EPB41L4A: variants seen among roughly 807,000 people sequenced by gnomAD.
EPB41L4A encodes erythrocyte membrane protein band 4.1 like 4A.
EPB41L4A carries 100 observed loss-of-function variants against 108.6 expected under a neutral mutation model. The observed-to-expected ratio is 0.92, with a 90% CI of 0.78 to 1.09. The LOEUF is 1.09. Among genes scored for constraint, EPB41L4A ranks in the 50% least tolerant of loss-of-function variants. The probability of loss-of-function intolerance (pLI) is 0.00; values close to 1 mark genes in which losing one functional copy is unlikely to be tolerated. For synonymous variants in EPB41L4A, 319 were observed against 289.0 expected, an observed-to-expected ratio of 1.10 and a Z score of -1.05; for missense variants, 1,030 against 842.7, an observed-to-expected ratio of 1.22 and a Z score of -2.75.
intron 1 of EPB41L4A, among the ~76,000 whole-genome samples, chr5:112,368,735 C>G (rs1412957094): frequency 6.6e-6 from 1 of 152,196 alleles, no homozygotes; most frequent in Non-Finnish European, 1.5e-5. Flanking sequence ...CTGTCCTCCC[C>G]ACAACTATTA....
intron 1 of EPB41L4A, among the ~76,000 whole-genome samples, chr5:112,323,734 CAATA>C (rs1322196070): frequency 1.3e-5 from 2 of 152,292 alleles, no homozygotes; most frequent in Non-Finnish European, 1.5e-5. Flanking sequence ...CCACAGTAAG[CAATA>C]AACTGGGTTT....
intron 9 of EPB41L4A, among the ~76,000 whole-genome samples, chr5:112,246,974 T>A (rs1750283251): frequency 6.6e-6 from 1 of 152,174 alleles, no homozygotes; most frequent in Non-Finnish European, 1.5e-5. Flanking sequence ...AGCAAATAAA[T>A]CTCCTAAAAT....
At chr5:112,288,586 G>C (rs1753436985) in intron 2 of EPB41L4A, among the ~76,000 whole-genome samples, 1 of 152,174 alleles carries the variant, frequency 6.6e-6, no homozygotes, top group African/African-American at 2.4e-5. Context: ...CATGTGTCTG[G>C]CTAGATTTCA....
Position 112,346,215 on chromosome 5 carries a change from C to CTTTTTTTTTT in EPB41L4A, c.100-38726_100-38725insAAAAAAAAAA, listed in dbSNP as rs1479210695. On this transcript the variant is annotated intron_variant, in intron 1 of 22. Coordinates refer to ENST00000261486, the MANE Select transcript of EPB41L4A (RefSeq NM_022140.5). ...AAATTCTTTAAAGTTAGGTACATTG[C>CTTTTTTTTTT]ATTTTTTTTTTTTTTTTTTTTTTTT... 1.3e-3 allele frequency among the ~76,000 whole-genome samples: 62 copies of CTTTTTTTTTT among 49,040 alleles called. 1 individual carries two copies. Among genetic ancestry groups the CTTTTTTTTTT allele is most frequent in the Non-Finnish European group, 2.0e-3 (38 of 18,612 alleles). The allele number at this position is 49,040 out of a possible 152,430, so 32.2% of individuals were successfully genotyped here.
intron 12 of EPB41L4A, among the ~76,000 whole-genome samples, chr5:112,216,444 A>C (rs7704501): frequency 0.69 from 104,597 of 151,978 alleles, 36,467 homozygotes; most frequent in East Asian, 0.97. Context: ...ATGTATTTGG[A>C]AAGCGAGAAT....
chr5:112,349,143 C>G (rs1278255944), intron 1 of EPB41L4A, among the ~76,000 whole-genome samples: 5 of 152,182 alleles, frequency 3.3e-5, no homozygotes, highest in Non-Finnish European at 7.3e-5. Flanking sequence ...TTTCAGTAGA[C>G]TGGCAGGTGT....
At chr5:112,152,623 G>A (rs1308971355) in intron 12 of EPB41L4A, among the ~76,000 whole-genome samples, 1 of 152,092 alleles carries the variant, frequency 6.6e-6, no homozygotes, top group Non-Finnish European at 1.5e-5. Context: ...CTCCAAAACT[G>A]TAAAAAATAA....
chr5:112,258,442 A>G (rs149282357), intron 9 of EPB41L4A, among the ~76,000 whole-genome samples: 2 of 152,248 alleles, frequency 1.3e-5, no homozygotes, highest in Non-Finnish European at 2.9e-5. Flanking sequence ...AGTATCAAAA[A>G]GACAGAAGAG....
At chr5:112,200,639 A>G (rs1241691354) in intron 15 of EPB41L4A, among the ~76,000 whole-genome samples, 1 of 152,222 alleles carries the variant, frequency 6.6e-6, no homozygotes, top group Non-Finnish European at 1.5e-5. Context: ...CTGAGGAGTG[A>G]AAATATATTG....
chr5:112,390,037 T>C (rs181528572), intron 1 of EPB41L4A, among the ~76,000 whole-genome samples: 4 of 152,168 alleles, frequency 2.6e-5, no homozygotes, highest in African/African-American at 4.8e-5. Context: ...CTACACAATA[T>C]GAAAAATGTT....
At chr5:112,265,636 G>T (rs980465808) in intron 5 of EPB41L4A, among the ~76,000 whole-genome samples, 1 of 152,186 alleles carries the variant, frequency 6.6e-6, no homozygotes, top group Non-Finnish European at 1.5e-5. Context: ...GTCTGCAAGT[G>T]CCACAAGGGC....
Position 112,282,891 on chromosome 5 carries a change from C to T in EPB41L4A, c.205-2568G>A, listed in dbSNP as rs1367649461. ...AAAGACAACCTTTGTAATTTTTTTT[C>T]AGATTTTTTGATTCATTTTGTTTTG... On this transcript the variant is annotated intron_variant, in intron 2 of 22. Transcript: ENST00000261486. Among the ~76,000 whole-genome samples, 6 of 151,842 alleles carry T rather than the reference C, an allele frequency of 4.0e-5. No homozygotes were observed. In the East Asian group the frequency reaches 1.2e-3, roughly 29 times the overall value.
intron 13 of EPB41L4A, 47 bp from the exon 14 acceptor site, chr5:112,205,551 A>C: frequency 2.2e-6 from 3 of 1,391,694 alleles, no homozygotes. Flanking sequence ...GTAGAAAATA[A>C]AAGTAAACTC....
chr5:112,180,110 T>TA (rs1158292774), intron 18 of EPB41L4A, among the ~76,000 whole-genome samples: 52 of 152,278 alleles, frequency 3.4e-4, no homozygotes, highest in African/African-American at 1.1e-3. Flanking sequence ...TGCAAGAAGA[T>TA]AAAAACAAAT....
At chr5:112,312,050 T>G (rs1755087667) in intron 1 of EPB41L4A, among the ~76,000 whole-genome samples, 2 of 152,218 alleles carry the variant, frequency 1.3e-5, no homozygotes, top group South Asian at 2.1e-4. Context: ...AAATCAAATC[T>G]GTCTTTATGC....
At chr5:112,295,029 C>T (rs1028636654) in intron 2 of EPB41L4A, among the ~76,000 whole-genome samples, 1 of 152,222 alleles carries the variant, frequency 6.6e-6, no homozygotes, top group Non-Finnish European at 1.5e-5. Context: ...CCAAGCTCAT[C>T]TGGCACTGAA....
chr5:112,379,564 A>G (rs961947440), intron 1 of EPB41L4A, among the ~76,000 whole-genome samples: 3 of 152,214 alleles, frequency 2.0e-5, no homozygotes, highest in African/African-American at 7.2e-5. Context: ...GAGTTTGGCC[A>G]TAAGGGAGAA....
At chr5:112,265,097 C>T (rs1038041588) in intron 5 of EPB41L4A, 81 bp from the exon 6 acceptor site, 2 of 1,233,222 alleles carry the variant, frequency 1.6e-6, no homozygotes, top group Admixed American at 5.5e-5. Flanking sequence ...TCCTAACATG[C>T]TTAAACATTT....
chr5:112,414,144 A>T (rs1762572537), intron 1 of EPB41L4A, among the ~76,000 whole-genome samples: 2 of 152,194 alleles, frequency 1.3e-5, no homozygotes, highest in Admixed American at 1.3e-4. Context: ...GCTTTTAATC[A>T]CTGCAGGTAT....
Sources: allele counts gnomAD v4.1 joint callset (sites outside exome capture counted in the v4.1 genomes callset), GRCh38; gene constraint gnomAD v4.1.1; transcripts MANE v1.5; gene names NCBI Gene and HGNC (gene_info 2026-07-23, HGNC 2026-07-21).